The following IL1RAPL1 variants were observed in gnomAD, a reference collection of about 807,000 sequenced individuals.
IL1RAPL1 encodes interleukin 1 receptor accessory protein like 1.
Under a neutral mutation model 48.4 loss-of-function variants are expected in IL1RAPL1, and 3 were observed. The ratio of observed to expected loss-of-function variants is 0.06; its 90% CI spans 0.03 to 0.16. The LOEUF is 0.16. Ranked by LOEUF, IL1RAPL1 falls within the 10% of genes least tolerant of loss-of-function variation. IL1RAPL1 has a pLI of 1.00. For synonymous variants in IL1RAPL1, 185 were observed against 187.7 expected (o/e 0.99, Z 0.12); for missense variants, 349 against 530.6 (o/e 0.66, Z 3.36).
At chrX:28,768,751 C>CTATATATA (rs1319423117) in intron 1 of IL1RAPL1, among the ~76,000 whole-genome samples, 150 of 63,221 alleles carry the variant, frequency 2.4e-3, no homozygotes, top group Middle Eastern at 8.9e-3. Context: ...CTCTCTCTCT[C>CTATATATA]TCTCTATATA....
At chrX:28,704,831 CAA>C (rs1179973377) in intron 1 of IL1RAPL1, among the ~76,000 whole-genome samples, 499 of 29,631 alleles carry the variant, frequency 0.017, 4 homozygotes, top group African/African-American at 0.046. Flanking sequence ...CACACACACA[CAA>C]AAAAAAAAAA....
intron 2 of IL1RAPL1, among the ~76,000 whole-genome samples, chrX:28,848,085 G>A (rs765490211): frequency 1.8e-5 from 2 of 111,303 alleles, no homozygotes; most frequent in South Asian, 3.8e-4. Context: ...AACACTGCAT[G>A]TTCTCACTCA....
At chrX:28,873,951 A>G (rs1310233867) in intron 2 of IL1RAPL1, among the ~76,000 whole-genome samples, 1 of 105,497 alleles carries the variant, frequency 9.5e-6, no homozygotes, top group Admixed American at 1.0e-4. Context: ...CACCTTGTTC[A>G]GATTTTTTGC....
rs762626927 is a variant in IL1RAPL1 at position 28,986,222 on chromosome X, A to T, written c.82+196797A>T. Among the ~76,000 whole-genome samples, 8 of 112,259 alleles carry T rather than the reference A, an allele frequency of 7.1e-5. No homozygotes were observed. The South Asian group carries it at 2.2e-3, about 31-fold the overall frequency. ...GTGCCTAAAAGATGAGATTTAATCG[A>T]GTATTTTTAAAAACTAGATGCTAGA... is the stretch of plus-strand genomic sequence containing the variant. On this transcript the variant is annotated intron_variant, in intron 2 of 10. Coordinates refer to ENST00000378993, the MANE Select transcript of IL1RAPL1 (RefSeq NM_014271.4).
intron 1 of IL1RAPL1, among the ~76,000 whole-genome samples, chrX:28,672,834 G>T (rs1019805264): frequency 4.5e-5 from 5 of 111,088 alleles, no homozygotes; most frequent in African/African-American, 1.6e-4. Flanking sequence ...AGGGGTACAA[G>T]TGCAGGTTTG....
intron 2 of IL1RAPL1, among the ~76,000 whole-genome samples, chrX:28,790,577 T>A (rs966647782): frequency 5.3e-5 from 6 of 112,432 alleles, no homozygotes; most frequent in African/African-American, 1.9e-4. Flanking sequence ...TAAAAAAAAA[T>A]ACTGAGACTG....
intron 5 of IL1RAPL1, among the ~76,000 whole-genome samples, chrX:29,442,422 T>A (rs144943840): frequency 0.025 from 2,741 of 111,019 alleles, 87 homozygotes; most frequent in African/African-American, 0.086. Context: ...AGGTGATGGG[T>A]GCACCAAAAT....
At chrX:29,268,725 T>A (rs1352057537) in intron 2 of IL1RAPL1, among the ~76,000 whole-genome samples, 2 of 112,197 alleles carry the variant, frequency 1.8e-5, no homozygotes, top group Admixed American at 1.9e-4. Flanking sequence ...CCCTGCTTAA[T>A]GCGCTATGCA....
chrX:29,694,947 G>C (rs1926871599), intron 6 of IL1RAPL1, among the ~76,000 whole-genome samples: 1 of 111,328 alleles, frequency 9.0e-6, no homozygotes, highest in African/African-American at 3.3e-5. Context: ...CAGGGAGACA[G>C]TGTTGACTTT....
At chrX:29,882,080 A>C (rs1166226295) in intron 6 of IL1RAPL1, among the ~76,000 whole-genome samples, 4 of 112,163 alleles carry the variant, frequency 3.6e-5, no homozygotes, top group Non-Finnish European at 7.5e-5. Context: ...ATTATATAGC[A>C]TTAATGACAG....
Position 29,029,941 on chromosome X carries a change from CT to C in IL1RAPL1, c.82+240531del, listed in dbSNP as rs768468902. On this transcript the variant is annotated intron_variant, in intron 2 of 10. Transcript: ENST00000378993. ...ATGGTATAAAGTCTTTATCGAGATT[CT>C]TTTTTTTTTTTTTTGGCTTGTGGAT... Among the ~76,000 whole-genome samples, 406 of 88,298 alleles carry C rather than the reference CT, an allele frequency of 4.6e-3. 1 individual carries two copies. Among genetic ancestry groups the C allele is most frequent in the African/African-American group, 5.0e-3 (123 of 24,501 alleles). 76.7% of individuals were successfully genotyped at this position (88,298 alleles called of 115,157 possible).
chrX:28,726,534 A>C (rs894908125), intron 1 of IL1RAPL1, among the ~76,000 whole-genome samples: 1 of 111,599 alleles, frequency 9.0e-6, no homozygotes, highest in African/African-American at 3.3e-5. Context: ...TTAAGGAAAA[A>C]CCTATTATAA....
At chrX:28,936,505 A>G (rs982466595) in intron 2 of IL1RAPL1, among the ~76,000 whole-genome samples, 4 of 110,587 alleles carry the variant, frequency 3.6e-5, no homozygotes, top group Non-Finnish European at 5.7e-5. Flanking sequence ...GTGACACCCT[A>G]TCTCAAAAAG....
intron 1 of IL1RAPL1, among the ~76,000 whole-genome samples, chrX:28,635,199 G>C (rs1189996818): frequency 8.9e-6 from 1 of 112,108 alleles, no homozygotes; most frequent in African/African-American, 3.2e-5. Flanking sequence ...TCTGGCTACT[G>C]TTTTTGCTGT....
chrX:28,650,337 A>G (rs1175087172), intron 1 of IL1RAPL1, among the ~76,000 whole-genome samples: 1 of 111,528 alleles, frequency 9.0e-6, no homozygotes. Flanking sequence ...GAGGCCTCAC[A>G]ATCATGGCGG....
intron 5 of IL1RAPL1, among the ~76,000 whole-genome samples, chrX:29,589,194 T>C (rs1923286270): frequency 8.9e-6 from 1 of 112,224 alleles, no homozygotes; most frequent in African/African-American, 3.2e-5. Context: ...TTCCAAGCCA[T>C]TGATTCTCAT....
intron 6 of IL1RAPL1, among the ~76,000 whole-genome samples, chrX:29,864,021 G>A (rs747538173): frequency 3.6e-5 from 4 of 111,701 alleles, no homozygotes; most frequent in Middle Eastern, 4.6e-3. Flanking sequence ...TCCTGACCTC[G>A]TGATCTGCCT....
intron 5 of IL1RAPL1, among the ~76,000 whole-genome samples, chrX:29,519,536 G>A (rs1935481267): frequency 8.9e-6 from 1 of 111,838 alleles, no homozygotes; most frequent in Non-Finnish European, 1.9e-5. Flanking sequence ...CAGAAAAATT[G>A]AGTTGGCAGT....
chrX:29,120,657 GT>G (rs1041380250), intron 2 of IL1RAPL1, among the ~76,000 whole-genome samples: 4 of 109,622 alleles, frequency 3.6e-5, no homozygotes, highest in Middle Eastern at 4.7e-3. Context: ...TTTTAGAGTA[GT>G]TTTTTTTTCT....
Sources: allele counts gnomAD v4.1 joint callset (sites outside exome capture counted in the v4.1 genomes callset), GRCh38; gene constraint gnomAD v4.1.1; transcripts MANE v1.5; gene names NCBI Gene and HGNC (gene_info 2026-07-23, HGNC 2026-07-21).